Variants in ETV5 observed in about 807,000 individuals in gnomAD.
The protein encoded by ETV5 is ETS translocation variant 5.
A neutral mutation model predicts 70.0 loss-of-function variants in ETV5; 10 were observed. The ratio of observed to expected loss-of-function variants is 0.14; its 90% CI spans 0.09 to 0.24. The LOEUF (loss-of-function observed/expected upper bound fraction) is 0.24. ETV5 is among the 10% of genes least tolerant of loss of function. The pLI is 1.00. For missense variants in ETV5, 453 were observed against 651.2 expected, an observed-to-expected ratio of 0.70 and a Z score of 3.31; for synonymous variants, 216 against 242.2, an observed-to-expected ratio of 0.89 and a Z score of 1.01.
Position 186,087,346 on chromosome 3 carries a change from G to C in ETV5, c.233-6171C>G. ...CAGGAGGGAGGTTACTCTCGACGGG[G>C]TGGTGCCTGTTAAGGGGGCACAGGA... On this transcript the variant is annotated intron_variant, in intron 5 of 12. Transcript: ENST00000306376. Among the ~76,000 whole-genome samples, 4 of 152,306 alleles carry C rather than the reference G, an allele frequency of 2.6e-5. No homozygotes were observed. The South Asian group carries it at 8.3e-4, about 32-fold the overall frequency.
chr3:186,054,000 C>T (rs551401011), intron 11 of ETV5, among the ~76,000 whole-genome samples: 1 of 152,362 alleles, frequency 6.6e-6, no homozygotes, highest in South Asian at 2.1e-4. Flanking sequence ...TCTTCAACTT[C>T]AGCGGCCACC....
intron 5 of ETV5, among the ~76,000 whole-genome samples, chr3:186,087,407 C>G (rs992722387): frequency 6.6e-6 from 1 of 152,214 alleles, no homozygotes; most frequent in African/African-American, 2.4e-5. Flanking sequence ...GTTTTCTGAT[C>G]TAAATGCTTA....
rs757415664 is a variant in ETV5 at position 186,065,819 on chromosome 3, C to T, written c.904G>A (p.Asp302Asn). 63 of 1,613,922 alleles carry T rather than the reference C, an allele frequency of 3.9e-5. No individual in the cohort carries two copies. The highest frequency in any genetic ancestry group is 5.0e-5 in the Non-Finnish European group (59 of 1,180,034). The change falls in exon 8 of 13, where the codon GAT becomes AAT. Residue 302 changes from aspartate to asparagine, a missense_variant. By Grantham distance (23) the Asp-to-Asn change is conservative (BLOSUM62 1). Transcript: ENST00000306376. ...IKQEPRDYCV[D>N]SEVPNCQSSY... ...AGCACAATTTGATGCTGACCTGAAT[C>T]GACGCAGTAATCCCGAGGCTCCTGC...
At position 186,105,890 on chromosome 3, in the gene ETV5, A is replaced by C; in HGVS notation, c.-22T>G. ...CCATGGTGCTTTCAGCGTCTCTAAT[A>C]CCACTTTGAGAGGTTTCAGCATTGA... On this transcript the variant is annotated 5_prime_UTR_variant, in exon 2 of 13. Coordinates refer to ENST00000306376, the MANE Select transcript of ETV5 (RefSeq NM_004454.3). The surrounding 1 kb of genome is among the most constrained non-coding windows in gnomAD (Gnocchi z 4.5). 6.2e-7 allele frequency: 1 copy of C among 1,613,128 alleles called. No individual in the cohort carries two copies. The highest frequency in any genetic ancestry group is 8.5e-7 in the Non-Finnish European group (1 of 1,179,574).
intron 6 of ETV5, 34 bp downstream of exon 6, chr3:186,081,012 G>T: frequency 6.3e-7 from 1 of 1,582,156 alleles, no homozygotes; most frequent in Non-Finnish European, 8.6e-7. Context: ...AGCCTTTCTG[G>T]GCAGCCTTTC....
intron 7 of ETV5, among the ~76,000 whole-genome samples, chr3:186,071,551 A>G (rs1713635352): frequency 6.6e-6 from 1 of 152,202 alleles, no homozygotes; most frequent in South Asian, 2.1e-4. Flanking sequence ...ATGATGTAAG[A>G]TAATGTATGT....
chr3:186,054,904 C>T lies in ETV5; in HGVS notation c.1209+2171G>A, dbSNP rs1000777233. 3.9e-5 allele frequency among the ~76,000 whole-genome samples: 6 copies of T among 152,178 alleles called. No homozygotes were observed. The highest frequency in any genetic ancestry group is 7.4e-5 in the Non-Finnish European group (5 of 68,024). On this transcript the variant is annotated intron_variant, in intron 11 of 12. Transcript: ENST00000306376. The surrounding 1 kb of genome is among the most constrained non-coding windows in gnomAD (Gnocchi z 4.4). ...GGTGAAGAGAAAGGAACATTTGGAG[C>T]TTAGGGAAAGCTTGGGGACTTCAAG...
chr3:186,071,341 T>G (rs192368629), intron 7 of ETV5, among the ~76,000 whole-genome samples: 2 of 152,310 alleles, frequency 1.3e-5, no homozygotes, highest in Non-Finnish European at 2.9e-5. Flanking sequence ...AGTACTTCCG[T>G]TAAGGCTCAG....
At chr3:186,084,724 A>G (rs1412694817) in intron 5 of ETV5, among the ~76,000 whole-genome samples, 2 of 152,196 alleles carry the variant, frequency 1.3e-5, no homozygotes, top group Non-Finnish European at 1.5e-5. Context: ...GGGTGCTGCT[A>G]TTCGAGGGGA....
intron 7 of ETV5, among the ~76,000 whole-genome samples, chr3:186,067,165 T>TG (rs1713467069): frequency 1.3e-5 from 2 of 152,168 alleles, no homozygotes; most frequent in Admixed American, 6.5e-5. Context: ...AGCACGGTGG[T>TG]GGCTCATGCC....
At chr3:186,059,944 T>C (rs966219350) in intron 9 of ETV5, among the ~76,000 whole-genome samples, 4 of 152,236 alleles carry the variant, frequency 2.6e-5, no homozygotes, top group African/African-American at 9.6e-5. Context: ...TATTTTCCAA[T>C]TTGGCACTAA....
rs186279307 is a variant in ETV5 at position 186,052,423 on chromosome 3, C to A, written c.1210-292G>T. 6.6e-6 allele frequency among the ~76,000 whole-genome samples: 1 copy of A among 152,176 alleles called. No individual in the cohort carries two copies. The highest frequency in any genetic ancestry group is 1.5e-5 in the Non-Finnish European group (1 of 68,026). ...ATGCAGGCCCTCTACTATTTCTCCA[C>A]GTATGAATTATTGACCAATACCCAT... is the stretch of plus-strand genomic sequence containing the variant. On this transcript the variant is annotated intron_variant, in intron 11 of 12. Coordinates refer to ENST00000306376, the MANE Select transcript of ETV5 (RefSeq NM_004454.3). This position sits in a 1 kb window ranked among gnomAD's most constrained non-coding sequence, Gnocchi z 4.5.
intron 7 of ETV5, chr3:186,078,134 C>G: frequency 1.9e-6 from 2 of 1,051,560 alleles, no homozygotes; most frequent in Non-Finnish European, 1.1e-6. Context: ...CTGGGGCTAC[C>G]CATCTCCCAA....
At chr3:186,097,880 G>C (rs1714343104) in intron 5 of ETV5, among the ~76,000 whole-genome samples, 1 of 152,170 alleles carries the variant, frequency 6.6e-6, no homozygotes, top group Non-Finnish European at 1.5e-5. Flanking sequence ...CTGCACAATG[G>C]GGTCTGGTTA....
rs1268203974 is a variant in ETV5 at position 186,103,603 on chromosome 3, C to T, written c.232+1702G>A. ...ACAGAACAAAGTTGGATTACAAACC[C>T]TGTCTTTCATCTTGCAAACACACAC... is the stretch of plus-strand genomic sequence containing the variant. On this transcript the variant is annotated intron_variant, in intron 5 of 12. Transcript: ENST00000306376. Among the ~76,000 whole-genome samples, 168 of 148,710 alleles carry T rather than the reference C, an allele frequency of 1.1e-3. 3 individuals are homozygous for T. The highest frequency in any genetic ancestry group is 3.7e-4 in the Non-Finnish European group (25 of 67,144).
intron 12 of ETV5, 88 bp downstream of exon 12, chr3:186,051,942 G>C: frequency 1.5e-6 from 2 of 1,310,292 alleles, no homozygotes; most frequent in Non-Finnish European, 2.2e-6. Context: ...TTTCCTCGTA[G>C]CGACGATCAC....
chr3:186,108,396 T>A, intron 1 of ETV5: 1 of 754,030 alleles, frequency 1.3e-6, no homozygotes, highest in Non-Finnish European at 2.0e-6. Context: ...TTCCACCACC[T>A]GAAACTTGCA....
rs1713107040 is a variant in ETV5 at position 186,054,395 on chromosome 3, G to A, written c.1210-2264C>T. ...GCCCAGGGAGTGGCTCTTTCTAGCA[G>A]CCCATCCCTTCAAACCTCCCAGCAG... On this transcript the variant is annotated intron_variant, in intron 11 of 12. Coordinates refer to ENST00000306376, the MANE Select transcript of ETV5 (RefSeq NM_004454.3). This position sits in a 1 kb window ranked among gnomAD's most constrained non-coding sequence, Gnocchi z 4.4. 6.6e-6 allele frequency among the ~76,000 whole-genome samples: 1 copy of A among 152,078 alleles called. No individual in the cohort carries two copies. Among genetic ancestry groups the A allele is most frequent in the Admixed American group, 6.6e-5 (1 of 15,256 alleles).
intron 9 of ETV5, among the ~76,000 whole-genome samples, chr3:186,062,787 A>C (rs1044973491): frequency 2.0e-5 from 3 of 152,376 alleles, no homozygotes; most frequent in Admixed American, 6.5e-5. Context: ...TAAAACAATG[A>C]GTCCTATACG....
Sources: gnomAD v4.1 joint callset for allele counts (sites outside exome capture counted in the v4.1 genomes callset) on GRCh38, gnomAD v4.1.1 for gene constraint, Gnocchi (gnomAD v3.1) non-coding constraint, MANE v1.5 for transcripts, NCBI Gene and HGNC (gene_info 2026-07-23, HGNC 2026-07-21) for gene names.